The following KHK variants were observed in gnomAD, a reference collection of about 807,000 sequenced individuals.
KHK encodes ketohexokinase.
Under a neutral mutation model 36.0 loss-of-function variants are expected in KHK, and 37 were observed. That is an observed-to-expected ratio of 1.03 (90% CI 0.79 to 1.35). The LOEUF is 1.35. KHK is among the 40% of genes most tolerant of loss of function. The pLI is 0.00. For synonymous variants in KHK, 161 were observed against 162.8 expected (o/e 0.99, Z 0.08); for missense variants, 395 against 391.9 (o/e 1.01, Z -0.07).
rs1303018629 is a variant in KHK, at chr2:27,099,731, G to A, written c.878G>A (p.Gly293Asp). The A allele has an allele frequency of 6.2e-5, 100 of 1,613,994 alleles. No homozygotes were observed. Among genetic ancestry groups the A allele is most frequent in the Non-Finnish European group, 8.2e-5 (97 of 1,180,024 alleles). Residue 293 changes from glycine to aspartate, a missense_variant, in exon 8 of 8, where the codon GGC becomes GAC. Transcript: ENST00000260598. ...QVAGKKCGLQ[G>D]FDGIV Reference sequence around the variant, plus strand: ...GCCGGCAAGAAGTGTGGCCTGCAGGGCTTTGATGGCATCGTGTGAGAGCAG... The same window carrying A: ...GCCGGCAAGAAGTGTGGCCTGCAGGACTTTGATGGCATCGTGTGAGAGCAG...
chr2:27,098,597 G>A (rs1670556978), intron 5 of KHK, among the ~76,000 whole-genome samples: 1 of 152,104 alleles, frequency 6.6e-6, no homozygotes, highest in African/African-American at 2.4e-5. Flanking sequence ...ATTGGCAGGG[G>A]TAGAGCCAAG....
intron 1 of KHK, among the ~76,000 whole-genome samples, chr2:27,090,023 T>C (rs977245821): frequency 1.8e-4 from 27 of 152,148 alleles, no homozygotes; most frequent in Non-Finnish European, 1.5e-4. Flanking sequence ...CAACTAATTT[T>C]GTACTTTCAG....
chr2:27,100,185 C>T lies in KHK; in HGVS notation c.*435C>T. The T allele has an allele frequency of 4.4e-6, 2 of 454,058 alleles. No individual in the cohort carries two copies. Among genetic ancestry groups the T allele is most frequent in the South Asian group, 4.1e-5 (2 of 48,506 alleles). The allele number at this position is 454,058 out of a possible 1,614,324, so 28.1% of individuals were successfully genotyped here. A position where few individuals can be genotyped will look rare whatever the true frequency, so the allele number is the denominator to read the frequency against. The stretch of plus-strand genomic sequence containing the variant: ...CGGTGCCCCACACCCAGTGAACCTG[C>T]CAAAGAAACCGTGAGAGCTCTTCGG... On this transcript the variant is annotated 3_prime_UTR_variant, in exon 8 of 8. Coordinates refer to ENST00000260598, the MANE Select transcript of KHK (RefSeq NM_006488.3).
In KHK at chr2:27,094,815, CT is replaced by C; in HGVS notation, c.227del (p.Phe76SerfsTer55). 1 of 1,614,068 alleles carries C rather than the reference CT, an allele frequency of 6.2e-7. No individual in the cohort carries two copies. The highest frequency in any genetic ancestry group is 8.5e-7 in the Non-Finnish European group (1 of 1,180,056). On this transcript the variant is annotated frameshift_variant, in exon 3 of 8. Coordinates refer to ENST00000260598, the MANE Select transcript of KHK (RefSeq NM_006488.3). LOFTEE classifies it high-confidence loss of function. ...CCACCCTAAGCTTCCTGGTGGCCGA[CT>C]TCAGGCGGCGGGGCGTGGACGTGTC... is the stretch of plus-strand genomic sequence containing the variant. The part of the protein sequence containing the change: ...GHVADFLVAD[F>X]RRRGVDVSQV...
intron 1 of KHK, chr2:27,088,029 G>C (rs1169686919): frequency 6.7e-6 from 1 of 149,116 alleles, no homozygotes; most frequent in Non-Finnish European, 1.5e-5. Flanking sequence ...AGAGGTCAAT[G>C]AACACCGTTT....
intron 1 of KHK, among the ~76,000 whole-genome samples, chr2:27,090,452 CT>C (rs559420015): frequency 0.011 from 1,202 of 110,110 alleles, 4 homozygotes; most frequent in African/African-American, 0.039. Context: ...TTTTTTCTTT[CT>C]TTTTTTTTTT....
At chr2:27,090,864 G>T (rs1223371660) in intron 1 of KHK, among the ~76,000 whole-genome samples, 1 of 151,854 alleles carries the variant, frequency 6.6e-6, no homozygotes, top group Non-Finnish European at 1.5e-5. Flanking sequence ...GACCAGCCTG[G>T]GCAACATAAG....
chr2:27,094,536 C>T (rs1265974658), intron 2 of KHK: 6 of 1,614,022 alleles, frequency 3.7e-6, no homozygotes, highest in Non-Finnish European at 5.1e-6. Flanking sequence ...GTCTTTCAGA[C>T]CACAGGCTCC....
At chr2:27,089,991 T>A (rs1669892682) in intron 1 of KHK, among the ~76,000 whole-genome samples, 1 of 152,224 alleles carries the variant, frequency 6.6e-6, no homozygotes, top group South Asian at 2.1e-4. Context: ...TAGCTGGGAT[T>A]ACAGGCATGT....
chr2:27,098,075 G>A (rs1398224594), intron 5 of KHK, among the ~76,000 whole-genome samples: 2 of 152,138 alleles, frequency 1.3e-5, no homozygotes, highest in Non-Finnish European at 2.9e-5. Context: ...GGAAGGGTGG[G>A]AAGGAGACTT....
At position 27,099,381 on chromosome 2, in the gene KHK, G is replaced by A. The variant is rs1247056802; in HGVS notation, c.654-39G>A. 3.1e-6 allele frequency: 5 copies of A among 1,611,162 alleles called. No homozygotes were observed. In the South Asian group the frequency reaches 4.4e-5, roughly 14 times the overall value. On this transcript the variant is annotated intron_variant, in intron 6 of 7. Transcript: ENST00000260598. ...AGCTGGGAGGATGGCTGGGGGGACG[G>A]GGTGGGCTAACACCCAGCTGAGTGG...
chr2:27,091,254 A>G (rs1238476380), intron 1 of KHK, among the ~76,000 whole-genome samples: 1 of 141,364 alleles, frequency 7.1e-6, no homozygotes, highest in Admixed American at 7.0e-5. Flanking sequence ...CTAATTTTTA[A>G]TTTTTTTTTT....
intron 5 of KHK, among the ~76,000 whole-genome samples, chr2:27,098,221 T>A (rs1484198907): frequency 6.6e-6 from 1 of 152,070 alleles, no homozygotes; most frequent in Non-Finnish European, 1.5e-5. Flanking sequence ...TGGCTGCATA[T>A]TAAAAAAGAT....
At chr2:27,095,684 G>A (rs779732037) in intron 3 of KHK, among the ~76,000 whole-genome samples, 1 of 152,224 alleles carries the variant, frequency 6.6e-6, no homozygotes, top group South Asian at 2.1e-4. Context: ...GCCAGGTACT[G>A]TTATGGCTGA....
At chr2:27,091,874 A>G (rs1670025262) in intron 1 of KHK, among the ~76,000 whole-genome samples, 1 of 152,016 alleles carries the variant, frequency 6.6e-6, no homozygotes, top group East Asian at 1.9e-4. Context: ...AGACACTCCT[A>G]ACACAGGGGT....
chr2:27,095,589 C>G (rs966325949), intron 3 of KHK, among the ~76,000 whole-genome samples: 1 of 152,372 alleles, frequency 6.6e-6, no homozygotes, highest in East Asian at 1.9e-4. Context: ...TCAAGAGAGG[C>G]CCCATGGGCC....
intron 5 of KHK, 50 bp from the exon 6 acceptor site, chr2:27,099,143 TTGG>T: frequency 6.5e-7 from 1 of 1,540,108 alleles, no homozygotes; most frequent in Non-Finnish European, 9.0e-7. Flanking sequence ...TAGGCTGCTG[TTGG>T]TGAATGACGA....
At position 27,094,836 on chromosome 2, in the gene KHK, C is replaced by T. The variant is rs777173573; in HGVS notation, c.246C>T (p.Asp82=). ...CCGACTTCAGGCGGCGGGGCGTGGA[C>T]GTGTCTCAGGTGGCCTGGCAGAGCA... ...LVADFRRRGV[D]VSQVAWQSKG... The change falls in exon 3 of 8, where the codon GAC becomes GAT. Residue 82 remains aspartate, a synonymous_variant. Transcript: ENST00000260598. 3.7e-6 allele frequency: 6 copies of T among 1,614,038 alleles called. No individual in the cohort carries two copies. The highest frequency in any genetic ancestry group is 2.2e-5 in the East Asian group (1 of 44,892).
intron 2 of KHK, chr2:27,094,222 C>A: frequency 1.8e-6 from 1 of 546,778 alleles, no homozygotes; most frequent in East Asian, 3.3e-5. Flanking sequence ...AAAACAGAGT[C>A]AGGATCGGAG....
Sources: gnomAD v4.1 joint callset for allele counts (sites outside exome capture counted in the v4.1 genomes callset) on GRCh38, gnomAD v4.1.1 for gene constraint, MANE v1.5 for transcripts, NCBI Gene and HGNC (gene_info 2026-07-23, HGNC 2026-07-21) for gene names.